The following RBFOX1 variants were observed in gnomAD, a reference collection of about 807,000 sequenced individuals.
The protein encoded by RBFOX1 is RNA binding protein fox-1 homolog 1.
In RBFOX1, 8 loss-of-function variants were observed where a neutral mutation model predicts 57.7. The observed-to-expected ratio is 0.14, with a 90% CI of 0.08 to 0.25. The LOEUF (loss-of-function observed/expected upper bound fraction) is 0.25, where lower values mean the gene tolerates loss of function less well. RBFOX1 is among the 10% of genes least tolerant of loss of function. The pLI, the probability that RBFOX1 is intolerant of heterozygous loss-of-function variation, is 1.00. For synonymous variants in RBFOX1, 326 were observed against 222.4 expected, an observed-to-expected ratio of 1.47 and a Z score of -4.15; for missense variants, 611 against 548.5, an observed-to-expected ratio of 1.11 and a Z score of -1.14.
chr16:7,483,334 C>T (rs548439884), intron 4 of RBFOX1, among the ~76,000 whole-genome samples: 1 of 152,080 alleles, frequency 6.6e-6, no homozygotes, highest in Non-Finnish European at 1.5e-5. Context: ...TGTCCTATCC[C>T]AGATCAGACT....
At chr16:6,077,684 T>TTTTATTTATTTATTTATTTATTTATTTA (rs371733627) in intron 1 of RBFOX1, among the ~76,000 whole-genome samples, 2 of 142,742 alleles carry the variant, frequency 1.4e-5, no homozygotes, top group East Asian at 2.0e-4. Flanking sequence ...CTTCTTTTAT[T>TTTTATTTATTTATTTATTTATTTATTTA]TTTACTTATT....
At chr16:7,575,562 C>G (rs2093254963) in intron 5 of RBFOX1, among the ~76,000 whole-genome samples, 1 of 152,078 alleles carries the variant, frequency 6.6e-6, no homozygotes. Context: ...CACCTGCAGC[C>G]AACAAAAGCT....
At chr16:6,102,219 G>T (rs1157020702) in intron 1 of RBFOX1, among the ~76,000 whole-genome samples, 2 of 149,026 alleles carry the variant, frequency 1.3e-5, no homozygotes, top group African/African-American at 2.5e-5. Context: ...GCATTTAGTG[G>T]AAACCTCTAG....
At chr16:6,441,715 G>A (rs1306012690) in intron 2 of RBFOX1, among the ~76,000 whole-genome samples, 1 of 152,166 alleles carries the variant, frequency 6.6e-6, no homozygotes, top group Non-Finnish European at 1.5e-5. Flanking sequence ...ACCTCGTGCA[G>A]TCAGCTTCAT....
At chr16:6,381,348 G>A (rs568456365) in intron 2 of RBFOX1, among the ~76,000 whole-genome samples, 118 of 151,892 alleles carry the variant, frequency 7.8e-4, no homozygotes, top group Non-Finnish European at 9.0e-4. Context: ...CATCTTTTGC[G>A]ATCTCCAGTG....
intron 1 of RBFOX1, among the ~76,000 whole-genome samples, chr16:5,273,955 T>C (rs2063079657): frequency 6.6e-6 from 1 of 152,194 alleles, no homozygotes; most frequent in East Asian, 1.9e-4. Context: ...CAGATTTAAC[T>C]GAATTTACAG....
chr16:6,686,784 C>G (rs1389828226), intron 3 of RBFOX1, among the ~76,000 whole-genome samples: 2 of 152,142 alleles, frequency 1.3e-5, no homozygotes, highest in Non-Finnish European at 2.9e-5. Flanking sequence ...CACACCCAAC[C>G]CAGTTAACAC....
At chr16:6,560,663 T>C (rs1406691566) in intron 2 of RBFOX1, among the ~76,000 whole-genome samples, 1 of 152,216 alleles carries the variant, frequency 6.6e-6, no homozygotes, top group Non-Finnish European at 1.5e-5. Context: ...GGGTCTTGAC[T>C]TACATTTCAA....
intron 5 of RBFOX1, among the ~76,000 whole-genome samples, chr16:7,579,304 A>C (rs149368996): frequency 1.2e-4 from 18 of 152,304 alleles, no homozygotes; most frequent in African/African-American, 4.3e-4. Flanking sequence ...TACCTGAACA[A>C]TTATGTAGGC....
intron 3 of RBFOX1, among the ~76,000 whole-genome samples, chr16:6,835,317 C>G (rs1338903163): frequency 6.6e-6 from 1 of 152,148 alleles, no homozygotes; most frequent in Non-Finnish European, 1.5e-5. Flanking sequence ...GTGTCCTAAG[C>G]TAGCCCTCAT....
intron 3 of RBFOX1, among the ~76,000 whole-genome samples, chr16:6,950,439 T>G (rs187555555): frequency 2.6e-5 from 4 of 152,260 alleles, no homozygotes; most frequent in Middle Eastern, 3.4e-3. Context: ...ATTCAGCAGT[T>G]TGGTATCCTA....
chr16:7,285,794 C>A (rs749747013), intron 4 of RBFOX1, among the ~76,000 whole-genome samples: 3 of 152,312 alleles, frequency 2.0e-5, no homozygotes, highest in Non-Finnish European at 4.4e-5. Flanking sequence ...TGATGGACAT[C>A]TGGACTAACT....
chr16:6,738,236 G>C (rs2070986323), intron 3 of RBFOX1, among the ~76,000 whole-genome samples: 2 of 152,174 alleles, frequency 1.3e-5, no homozygotes, highest in South Asian at 2.1e-4. Flanking sequence ...AGCAATCCTT[G>C]ACAGGAGCAA....
intron 9 of RBFOX1, among the ~76,000 whole-genome samples, chr16:7,601,857 T>G (rs1178964906): frequency 1.3e-5 from 2 of 152,156 alleles, no homozygotes; most frequent in East Asian, 3.9e-4. Context: ...GAATTTAAAT[T>G]TTGGCAATAA....
At chr16:7,282,537 C>A (rs1178040987) in intron 4 of RBFOX1, among the ~76,000 whole-genome samples, 1 of 151,966 alleles carries the variant, frequency 6.6e-6, no homozygotes, top group African/African-American at 2.4e-5. Context: ...GCCTTCTGCT[C>A]TCTGTTCTCT....
At chr16:5,259,598 C>A (rs1392572560) in intron 1 of RBFOX1, among the ~76,000 whole-genome samples, 1 of 151,616 alleles carries the variant, frequency 6.6e-6, no homozygotes, top group Non-Finnish European at 1.5e-5. Flanking sequence ...TGGAGTGAGG[C>A]TCTAGGGAGG....
At chr16:5,242,069 A>G (rs1027382580) in intron 1 of RBFOX1, among the ~76,000 whole-genome samples, 13 of 152,170 alleles carry the variant, frequency 8.5e-5, no homozygotes, top group Non-Finnish European at 1.8e-4. Context: ...AGCTGTCATC[A>G]TGCCACTGCA....
At chr16:6,487,986 A>C (rs747961041) in intron 2 of RBFOX1, among the ~76,000 whole-genome samples, 1 of 152,038 alleles carries the variant, frequency 6.6e-6, no homozygotes, top group Non-Finnish European at 1.5e-5. Flanking sequence ...GTTCACACAA[A>C]GAGTGTACAC....
intron 4 of RBFOX1, among the ~76,000 whole-genome samples, chr16:7,115,816 G>T (rs1033438071): frequency 1.3e-5 from 2 of 152,180 alleles, no homozygotes; most frequent in Admixed American, 1.3e-4. Context: ...ACATGAACAG[G>T]GATCACTGGG....
Sources: allele counts gnomAD v4.1 joint callset (sites outside exome capture counted in the v4.1 genomes callset), GRCh38; gene constraint gnomAD v4.1.1; transcripts MANE v1.5; gene names NCBI Gene and HGNC (gene_info 2026-07-23, HGNC 2026-07-21).